Variants in PLEKHA2 observed in about 807,000 individuals in gnomAD.
PLEKHA2 encodes the protein pleckstrin homology domain containing A2, also known as pleckstrin homology domain-containing family A member 2.
PLEKHA2 carries 28 observed loss-of-function variants against 53.2 expected under a neutral mutation model. The observed-to-expected ratio is 0.53, with a 90% confidence interval of 0.39 to 0.72. PLEKHA2 has a LOEUF of 0.72. PLEKHA2 is among the 30% of genes least tolerant of loss of function. The pLI, the probability that PLEKHA2 is intolerant of heterozygous loss-of-function variation, is 0.00. For missense variants in PLEKHA2, 426 were observed against 537.9 expected, an observed-to-expected ratio of 0.79 and a Z score of 2.06; for synonymous variants, 193 against 196.4, an observed-to-expected ratio of 0.98 and a Z score of 0.14.
At chr8:38,950,770 G>T (rs572941469) in intron 5 of PLEKHA2, 80 bp from the exon 6 acceptor site, 44 of 1,524,480 alleles carry the variant, frequency 2.9e-5, no homozygotes, top group African/African-American at 1.4e-4. Context: ...CTTTTCTCAC[G>T]GCAGCCCCAT....
At chr8:38,938,904 T>TC (rs1472362044) in intron 3 of PLEKHA2, among the ~76,000 whole-genome samples, 11 of 151,218 alleles carry the variant, frequency 7.3e-5, no homozygotes, top group Non-Finnish European at 1.3e-4. Context: ...CTTTTTCTTT[T>TC]TTTTTTTTTT....
At chr8:38,962,976 G>A (rs893559585) in intron 10 of PLEKHA2, among the ~76,000 whole-genome samples, 14 of 152,218 alleles carry the variant, frequency 9.2e-5, no homozygotes, top group Non-Finnish European at 1.6e-4. Flanking sequence ...AAGGAGGGTT[G>A]CAGAGGTGGA....
chr8:38,909,534 T>C (rs1833925644), intron 1 of PLEKHA2, among the ~76,000 whole-genome samples: 3 of 152,196 alleles, frequency 2.0e-5, no homozygotes, highest in African/African-American at 7.2e-5. Context: ...GTCTCTTGTA[T>C]ATTATGAGCC....
At chr8:38,939,679 C>T (rs61636647) in intron 3 of PLEKHA2, among the ~76,000 whole-genome samples, 6,088 of 152,256 alleles carry the variant, frequency 0.04, 421 homozygotes, top group African/African-American at 0.14. Flanking sequence ...TAAAACAGTC[C>T]GCCTGTGGTG....
At chr8:38,945,339 CAAAT>C (rs1227648567) in intron 4 of PLEKHA2, among the ~76,000 whole-genome samples, 1 of 152,106 alleles carries the variant, frequency 6.6e-6, no homozygotes, top group African/African-American at 2.4e-5. Context: ...AAATATTTGT[CAAAT>C]GAATGAATGA....
At chr8:38,963,061 C>G (rs997790738) in intron 10 of PLEKHA2, among the ~76,000 whole-genome samples, 3 of 152,112 alleles carry the variant, frequency 2.0e-5, no homozygotes, top group Non-Finnish European at 4.4e-5. Context: ...GATATGGAAG[C>G]CTTTATGGCC....
At chr8:38,928,236 C>CTTTTTTTTTTTTTTTTTTT (rs11414317) in intron 2 of PLEKHA2, among the ~76,000 whole-genome samples, 1 of 110,130 alleles carries the variant, frequency 9.1e-6, no homozygotes. Context: ...CTGACCTGGT[C>CTTTTTTTTTTTTTTTTTTT]TTTTTTTTTT....
intron 10 of PLEKHA2, among the ~76,000 whole-genome samples, chr8:38,962,431 CTG>C (rs752540428): frequency 1.3e-5 from 2 of 152,204 alleles, no homozygotes; most frequent in African/African-American, 2.4e-5. Context: ...AAGTCTGACT[CTG>C]TTGGAGAAGA....
intron 2 of PLEKHA2, among the ~76,000 whole-genome samples, chr8:38,933,790 A>AAAAAAAAAAAAGAAAAG (rs71216697): frequency 1.1e-5 from 1 of 90,662 alleles, no homozygotes; most frequent in African/African-American, 3.8e-5. Context: ...AAAAAAAAAA[A>AAAAAAAAAAAAGAAAAG]AAAAGAAAAG....
intron 9 of PLEKHA2, 127 bp downstream of exon 9, chr8:38,953,494 C>A: frequency 1.1e-6 from 1 of 948,658 alleles, no homozygotes; most frequent in South Asian, 1.5e-5. Flanking sequence ...AGGAGCCTAA[C>A]ACCTTGTGGC....
At chr8:38,910,717 A>C (rs1328195521) in intron 1 of PLEKHA2, among the ~76,000 whole-genome samples, 1 of 152,252 alleles carries the variant, frequency 6.6e-6, no homozygotes, top group Non-Finnish European at 1.5e-5. Context: ...AAAAGAAGAA[A>C]TAAAGCATGA....
At chr8:38,909,280 G>C (rs1391440344) in intron 1 of PLEKHA2, among the ~76,000 whole-genome samples, 1 of 152,076 alleles carries the variant, frequency 6.6e-6, no homozygotes, top group Non-Finnish European at 1.5e-5. Flanking sequence ...GACTTGGATG[G>C]AATCCTAGAA....
At chr8:38,919,203 T>G (rs182777311) in intron 2 of PLEKHA2, among the ~76,000 whole-genome samples, 42 of 152,328 alleles carry the variant, frequency 2.8e-4, no homozygotes, top group African/African-American at 8.7e-4. Context: ...GCACTGGATC[T>G]TGGCAAGGAC....
chr8:38,959,729 T>C (rs1370058057), intron 10 of PLEKHA2, among the ~76,000 whole-genome samples: 1 of 152,100 alleles, frequency 6.6e-6, no homozygotes, highest in Non-Finnish European at 1.5e-5. Context: ...ATTTGAGAGA[T>C]ATTAAAAAGG....
rs147372019 is a variant in PLEKHA2 at position 38,952,419 on chromosome 8, T to TC, written c.633+109dup. On this transcript the variant is annotated intron_variant, in intron 7 of 11. Coordinates refer to ENST00000617275, the MANE Select transcript of PLEKHA2 (RefSeq NM_021623.2). ...GGATTGACAGGAGGTGCCTCAGTCC[T>TC]CCATGGAGCCTCCACCTTTGAGGGT... The TC allele has an allele frequency of 4.1e-4, 600 of 1,470,968 alleles. 5 individuals carry two copies. In the East Asian group the frequency reaches 0.013, roughly 32 times the overall value. The allele number at this position is 1,470,968 out of a possible 1,614,324, so 91.1% of individuals were successfully genotyped here. A position where few individuals can be genotyped will look rare whatever the true frequency, so the allele number is the denominator to read the frequency against.
chr8:38,962,379 C>G (rs1009636046), intron 10 of PLEKHA2, among the ~76,000 whole-genome samples: 12 of 152,140 alleles, frequency 7.9e-5, no homozygotes, highest in African/African-American at 2.9e-4. Context: ...CAGCCTGGTC[C>G]AGAACCCATG....
chr8:38,952,814 T>C, intron 8 of PLEKHA2, 110 bp downstream of exon 8: 1 of 1,122,480 alleles, frequency 8.9e-7, no homozygotes, highest in Non-Finnish European at 1.3e-6. Flanking sequence ...CACAAAGACT[T>C]CAAAGGCGCC....
intron 4 of PLEKHA2, among the ~76,000 whole-genome samples, chr8:38,945,795 C>T (rs953172300): frequency 1.3e-5 from 2 of 152,198 alleles, no homozygotes; most frequent in African/African-American, 4.8e-5. Context: ...TTAGCACCGC[C>T]AGAATGCGGT....
intron 10 of PLEKHA2, among the ~76,000 whole-genome samples, chr8:38,963,225 G>A (rs1367895278): frequency 6.6e-6 from 1 of 152,150 alleles, no homozygotes; most frequent in Non-Finnish European, 1.5e-5. Flanking sequence ...CTGCCCTCAA[G>A]GACAGAAGCC....
Sources: gnomAD v4.1 joint callset for allele counts (sites outside exome capture counted in the v4.1 genomes callset) on GRCh38, gnomAD v4.1.1 for gene constraint, MANE v1.5 for transcripts, NCBI Gene and HGNC (gene_info 2026-07-23, HGNC 2026-07-21) for gene names.